The following DTL variants were observed in gnomAD, a reference collection of about 807,000 sequenced individuals.
The protein encoded by DTL is denticleless protein homolog.
DTL carries 46 observed loss-of-function variants against 87.0 expected under a neutral mutation model. The ratio of observed to expected loss-of-function variants is 0.53; its 90% CI spans 0.42 to 0.68. The LOEUF is 0.68. Ranked by LOEUF, DTL falls within the 30% of genes least tolerant of loss-of-function variation. DTL has a pLI of 0.00. For missense variants in DTL, 737 were observed against 869.4 expected, an observed-to-expected ratio of 0.85 and a Z score of 1.91; for synonymous variants, 308 against 311.2, an observed-to-expected ratio of 0.99 and a Z score of 0.11.
chr1:212,104,998 T>C lies in DTL; in HGVS notation c.*2058T>C, dbSNP rs1306807656. The C allele has an allele frequency of 6.6e-6, 1 of 152,238 alleles. No individual in the cohort carries two copies. The highest frequency in any genetic ancestry group is 6.5e-5 in the Admixed American group (1 of 15,282). The allele number at this position is 152,238 out of a possible 1,614,324, so 9.4% of individuals were successfully genotyped here. A position where few individuals can be genotyped will look rare whatever the true frequency, so the allele number is the denominator to read the frequency against. On this transcript the variant is annotated 3_prime_UTR_variant, in exon 15 of 15. Coordinates refer to ENST00000366991, the MANE Select transcript of DTL (RefSeq NM_016448.4). ...CTGAAAGAGCTTTTAATAAAAAACA[T>C]CTTGCTTGGATCAGACTTTGAGCAT...
intron 6 of DTL, 57 bp from the exon 7 acceptor site, chr1:212,064,858 CAT>C (rs1240313599): frequency 7.4e-6 from 10 of 1,356,916 alleles, no homozygotes; most frequent in Non-Finnish European, 7.4e-6. Flanking sequence ...TTTATTTACA[CAT>C]GTTATATTCA....
intron 1 of DTL, among the ~76,000 whole-genome samples, chr1:212,041,337 T>C (rs193111379): frequency 6.6e-6 from 1 of 152,264 alleles, no homozygotes; most frequent in Admixed American, 6.5e-5. Flanking sequence ...TCATCTTCAT[T>C]TCAACCAAGT....
At chr1:212,080,830 G>T in intron 13 of DTL, 80 bp downstream of exon 13, 1 of 1,433,532 alleles carries the variant, frequency 7.0e-7, no homozygotes, top group South Asian at 1.3e-5. Context: ...AGCTAGATTT[G>T]ATCTTGCTTT....
intron 14 of DTL, 103 bp downstream of exon 14, chr1:212,101,187 TCTA>T: frequency 2.3e-6 from 2 of 869,912 alleles, no homozygotes; most frequent in Non-Finnish European, 1.7e-6. Flanking sequence ...AAGAAAGAAA[TCTA>T]TTTATTCCTA....
At chr1:212,071,367 G>C (rs1654664424) in intron 10 of DTL, among the ~76,000 whole-genome samples, 1 of 152,200 alleles carries the variant, frequency 6.6e-6, no homozygotes, top group East Asian at 1.9e-4. Context: ...GACCTTCTTA[G>C]GATAGAAGAA....
At position 212,104,311 on chromosome 1, in the gene DTL, C is replaced by A. The variant is rs1655711264; in HGVS notation, c.*1371C>A. On this transcript the variant is annotated 3_prime_UTR_variant, in exon 15 of 15. Transcript: ENST00000366991. ...ATCTATTCTGACAACTTTTTAATTC[C>A]TTTGATCTTATAAGTTAAAGCTGTA... is the stretch of plus-strand genomic sequence containing the variant. 1 of 142,892 alleles carries A rather than the reference C, an allele frequency of 7.0e-6. No individual in the cohort carries two copies. The highest frequency in any genetic ancestry group is 7.1e-5 in the Admixed American group (1 of 14,106). 8.9% of individuals were successfully genotyped at this position (142,892 alleles called of 1,614,324 possible).
intron 5 of DTL, among the ~76,000 whole-genome samples, chr1:212,052,847 A>G (rs1008676667): frequency 2.0e-5 from 3 of 152,080 alleles, no homozygotes; most frequent in African/African-American, 4.8e-5. Flanking sequence ...TGAACAAGCC[A>G]TAAAATTCAT....
intron 5 of DTL, among the ~76,000 whole-genome samples, chr1:212,057,207 A>G (rs1381034607): frequency 6.6e-6 from 1 of 152,106 alleles, no homozygotes; most frequent in Non-Finnish European, 1.5e-5. Context: ...TTGTAGTCAA[A>G]CTCAAAAGTC....
At chr1:212,048,111 A>G (rs1476630266) in intron 5 of DTL, among the ~76,000 whole-genome samples, 1 of 152,224 alleles carries the variant, frequency 6.6e-6, no homozygotes, top group Admixed American at 6.5e-5. Flanking sequence ...TAAATGAGCT[A>G]TAAGGCTGAT....
At position 212,044,769 on chromosome 1, in the gene DTL, G is replaced by A. The variant is rs1042544681; in HGVS notation, c.277+11G>A. 6.4e-7 allele frequency: 1 copy of A among 1,555,344 alleles called. No individual in the cohort carries two copies. The highest frequency in any genetic ancestry group is 1.2e-5 in the South Asian group (1 of 85,588). On this transcript the variant is annotated intron_variant, in intron 3 of 14. Coordinates refer to ENST00000366991, the MANE Select transcript of DTL (RefSeq NM_016448.4). Reference sequence around the variant, plus strand: ...AGAAGTGCTTCAAAGGTAAGTCTAGGTCTACAATTTTTGTTTTAACATTTA... The same window carrying A: ...AGAAGTGCTTCAAAGGTAAGTCTAGATCTACAATTTTTGTTTTAACATTTA...
At position 212,100,692 on chromosome 1, in the gene DTL, G is replaced by T. The variant is rs1558093457; in HGVS notation, c.1702G>T (p.Val568Leu). The T allele has an allele frequency of 5.0e-6, 8 of 1,614,148 alleles. No homozygotes were observed. Among genetic ancestry groups the T allele is most frequent in the Non-Finnish European group, 5.9e-6 (7 of 1,180,032 alleles). ...TCTGGAGAGTGTGAAACAAAAGTGT[G>T]TGAAGAGTTGTAACTGTGTGACTGA... ...SCLESVKQKC[V>L]KSCNCVTELD... The change falls in exon 14 of 15, where the codon GTG (valine) becomes TTG (leucine). Residue 568 changes from valine (V) to leucine (L), a missense_variant. Coordinates refer to ENST00000366991, the MANE Select transcript of DTL (RefSeq NM_016448.4).
rs1558080962 is a variant in DTL, at chr1:212,068,200, ATATT to A, written c.714-18_714-15del. The A allele has an allele frequency of 2.0e-6, 3 of 1,533,224 alleles. No individual in the cohort carries two copies. The highest frequency in any genetic ancestry group is 8.9e-7 in the Non-Finnish European group (1 of 1,122,590). The allele number at this position is 1,533,224 out of a possible 1,614,324, so 95.0% of individuals were successfully genotyped here. A position where few individuals can be genotyped will look rare whatever the true frequency, so the allele number is the denominator to read the frequency against. On this transcript the variant is annotated intron_variant, in intron 8 of 14. Coordinates refer to ENST00000366991, the MANE Select transcript of DTL (RefSeq NM_016448.4). ...TTGGGGTTGGAAGAAGGTCTACAAA[ATATT>A]TATTTGCCTTGGTTTTTAGGATAAT...
chr1:212,078,036 C>A, intron 11 of DTL, 137 bp from the exon 12 acceptor site: 18 of 466,828 alleles, frequency 3.9e-5, no homozygotes, highest in Non-Finnish European at 4.3e-5. Flanking sequence ...TTTTTTTTTT[C>A]CTAACTATAG....
At chr1:212,069,264 C>G (rs1654598882) in intron 10 of DTL, among the ~76,000 whole-genome samples, 1 of 151,756 alleles carries the variant, frequency 6.6e-6, no homozygotes, top group Admixed American at 6.6e-5. Flanking sequence ...ATGCTTTCCT[C>G]TTTTTTTTAA....
rs1655581451 is a variant in DTL at position 212,100,368 on chromosome 1, C to T, written c.1378C>T (p.Leu460Phe). 5 of 1,614,020 alleles carry T rather than the reference C, an allele frequency of 3.1e-6. No individual in the cohort carries two copies. The highest frequency in any genetic ancestry group is 2.5e-6 in the Non-Finnish European group (3 of 1,179,970). Reference protein sequence around the residue: ...CAPSCAGDLPLPSNTPTFSIK... With the variant: ...CAPSCAGDLPFPSNTPTFSIK... Reference sequence around the variant, plus strand: ...CCCAAGCTGTGCTGGAGACCTCCCTCTTCCTTCAAATACTCCTACGTTCTC... The same window carrying T: ...CCCAAGCTGTGCTGGAGACCTCCCTTTTCCTTCAAATACTCCTACGTTCTC... Residue 460 changes from leucine to phenylalanine, a missense_variant, in exon 14 of 15, where the codon CTT becomes TTT. Physicochemically the swap from Leu to Phe is conservative, Grantham distance 22 (BLOSUM62 0). Coordinates refer to ENST00000366991, the MANE Select transcript of DTL (RefSeq NM_016448.4).
rs564554766 is a variant in DTL at position 212,046,283 on chromosome 1, CTTTATT to C, written c.278-861_278-856del. On this transcript the variant is annotated intron_variant, in intron 3 of 14. Transcript: ENST00000366991. ...GACTACTGATTTTTTATGTGTGCATCTTTATTTTTATTATTTTAAGTTCCAGGGTAC... is the reference window on the plus strand; with the variant it reads ...GACTACTGATTTTTTATGTGTGCATCTTTATTATTTTAAGTTCCAGGGTAC... 3.1e-3 allele frequency among the ~76,000 whole-genome samples: 470 copies of C among 152,198 alleles called. 3 individuals carry two copies. The highest frequency in any genetic ancestry group is 4.4e-3 in the Non-Finnish European group (298 of 68,018).
At chr1:212,057,894 C>T (rs151162755) in intron 5 of DTL, among the ~76,000 whole-genome samples, 2 of 152,260 alleles carry the variant, frequency 1.3e-5, no homozygotes, top group East Asian at 3.9e-4. Context: ...AAAGATACTA[C>T]ATGCAAATGG....
chr1:212,098,556 C>T (rs1655517466), intron 13 of DTL, among the ~76,000 whole-genome samples: 1 of 152,088 alleles, frequency 6.6e-6, no homozygotes, highest in African/African-American at 2.4e-5. Flanking sequence ...TGTGTCTGAG[C>T]TCAGACTCCT....
chr1:212,103,308 T>G lies in DTL; in HGVS notation c.*368T>G, dbSNP rs551062193. 179 of 154,732 alleles carry G rather than the reference T, an allele frequency of 1.2e-3. No homozygotes were observed. Among genetic ancestry groups the G allele is most frequent in the African/African-American group, 4.2e-3 (176 of 41,630 alleles). 9.6% of individuals were successfully genotyped at this position (154,732 alleles called of 1,614,324 possible). Reference sequence around the variant, plus strand: ...TTATCCTGAAACTTTCTATGCTCAGTGGAAAGTATCTGCCAGCCACAGCAT... The same window carrying G: ...TTATCCTGAAACTTTCTATGCTCAGGGGAAAGTATCTGCCAGCCACAGCAT... On this transcript the variant is annotated 3_prime_UTR_variant, in exon 15 of 15. Transcript: ENST00000366991.
Sources: allele counts gnomAD v4.1 joint callset (sites outside exome capture counted in the v4.1 genomes callset), GRCh38; gene constraint gnomAD v4.1.1; transcripts MANE v1.5; gene names NCBI Gene and HGNC (gene_info 2026-07-23, HGNC 2026-07-21).